The following GPD2 variants were observed in gnomAD, a reference collection of about 807,000 sequenced individuals.
The protein encoded by GPD2 is glycerol-3-phosphate dehydrogenase 2.
Under a neutral mutation model 82.4 loss-of-function variants are expected in GPD2, and 54 were observed. That is an observed-to-expected ratio of 0.66 (90% CI 0.53 to 0.82). The LOEUF is 0.82. Ranked by LOEUF, GPD2 falls within the 40% of genes least tolerant of loss-of-function variation. The probability of loss-of-function intolerance (pLI) is 0.00; values close to 1 mark genes in which losing one functional copy is unlikely to be tolerated. For missense variants in GPD2, 748 were observed against 896.2 expected (o/e 0.83, Z 2.11); for synonymous variants, 288 against 306.1 (o/e 0.94, Z 0.62).
the GPD2 span, among the ~76,000 whole-genome samples, chr2:156,413,352 C>T: frequency 6.6e-6 from 1 of 151,650 alleles, no homozygotes; most frequent in Non-Finnish European, 1.5e-5. Flanking sequence ...GAGGCCGAGG[C>T]AGGTGGATCA....
At chr2:156,417,074 C>T in the GPD2 span, among the ~76,000 whole-genome samples, 3 of 152,268 alleles carry the variant, frequency 2.0e-5, no homozygotes, top group Admixed American at 6.5e-5. Context: ...ATACTTAACA[C>T]GCTGCATTGC....
intron 1 of GPD2, among the ~76,000 whole-genome samples, chr2:156,437,005 G>T (rs1681949227): frequency 6.6e-6 from 1 of 152,236 alleles, no homozygotes; most frequent in Non-Finnish European, 1.5e-5. Flanking sequence ...TTTGCAAAGA[G>T]TGCTTTGGCA....
At chr2:156,419,315 TC>T in the GPD2 span, among the ~76,000 whole-genome samples, 5 of 152,112 alleles carry the variant, frequency 3.3e-5, no homozygotes, top group Non-Finnish European at 7.4e-5. Flanking sequence ...CACCTGGGCC[TC>T]CCAAAGTGCT....
the GPD2 span, among the ~76,000 whole-genome samples, chr2:156,400,395 G>C: frequency 6.6e-6 from 1 of 152,200 alleles, no homozygotes; most frequent in Non-Finnish European, 1.5e-5. Flanking sequence ...GACACACCAC[G>C]GCCTCCTGGA....
At chr2:156,464,736 T>A (rs890750921) in intron 1 of GPD2, among the ~76,000 whole-genome samples, 1 of 152,196 alleles carries the variant, frequency 6.6e-6, no homozygotes, top group Non-Finnish European at 1.5e-5. Flanking sequence ...AGTCATAATT[T>A]AAAAAAATAA....
chr2:156,556,347 G>A (rs2105344350), intron 8 of GPD2, among the ~76,000 whole-genome samples: 1 of 152,234 alleles, frequency 6.6e-6, no homozygotes, highest in South Asian at 2.1e-4. Context: ...AATAGAAGCA[G>A]CTATCTGAAG....
chr2:156,533,018 G>A (rs1204561692), intron 6 of GPD2, among the ~76,000 whole-genome samples: 2 of 152,200 alleles, frequency 1.3e-5, no homozygotes, highest in African/African-American at 4.8e-5. Context: ...AGGGATGGGA[G>A]AGAATGAAGT....
intron 1 of GPD2, among the ~76,000 whole-genome samples, chr2:156,444,787 T>G (rs1287210200): frequency 1.3e-5 from 2 of 152,186 alleles, no homozygotes; most frequent in Non-Finnish European, 2.9e-5. Flanking sequence ...AGTCTTGCTC[T>G]GCTGCCCAGG....
At chr2:156,476,459 A>G (rs958676264) in intron 2 of GPD2, among the ~76,000 whole-genome samples, 1 of 152,254 alleles carries the variant, frequency 6.6e-6, no homozygotes, top group Non-Finnish European at 1.5e-5. Flanking sequence ...GGTTTTTAAA[A>G]GACTGCTTCA....
At position 156,579,475 on chromosome 2, in the gene GPD2, C is replaced by T. The variant is rs771127521; in HGVS notation, c.1960-215C>T. ...TCCAGAGTAGCTGGGACTACAAGTG[C>T]GCACCACCATGCCCGGCTAATTTTT... On this transcript the variant is annotated intron_variant, in intron 15 of 16. Coordinates refer to ENST00000438166, the MANE Select transcript of GPD2 (RefSeq NM_000408.5). Among the ~76,000 whole-genome samples the T allele has an allele frequency of 4.6e-5, 7 of 151,408 alleles. No homozygotes were observed. In the South Asian group the frequency reaches 6.2e-4, roughly 14 times the overall value.
intron 6 of GPD2, among the ~76,000 whole-genome samples, chr2:156,520,937 G>T (rs1685385065): frequency 6.6e-6 from 1 of 152,120 alleles, no homozygotes; most frequent in Non-Finnish European, 1.5e-5. Context: ...GGTTACATAA[G>T]GTGATATAAA....
intron 1 of GPD2, among the ~76,000 whole-genome samples, chr2:156,440,570 T>C (rs1682133015): frequency 6.6e-6 from 1 of 152,248 alleles, no homozygotes; most frequent in African/African-American, 2.4e-5. Flanking sequence ...TACTAGTTCT[T>C]TGAGTTGTGT....
chr2:156,512,172 A>C (rs764326515), intron 4 of GPD2, 48 bp from the exon 5 acceptor site: 1 of 914,212 alleles, frequency 1.1e-6, no homozygotes. Flanking sequence ...ATTTGAAAAT[A>C]TTATGATCTG....
intron 2 of GPD2, among the ~76,000 whole-genome samples, chr2:156,488,964 A>C (rs1192125649): frequency 6.6e-6 from 1 of 151,854 alleles, no homozygotes; most frequent in Non-Finnish European, 1.5e-5. Context: ...TGTGTTTGGG[A>C]GCTGTGGTTG....
Position 156,534,350 on chromosome 2 carries a change from G to A in GPD2, c.662-15258G>A, listed in dbSNP as rs1267768952. On this transcript the variant is annotated intron_variant, in intron 6 of 16. Transcript: ENST00000438166. Reference sequence around the variant, plus strand: ...GGGTTTGGGGTTTATAATGGTACACGATGCAGGGATGCAGCAGGCCAAAAG... The same window carrying A: ...GGGTTTGGGGTTTATAATGGTACACAATGCAGGGATGCAGCAGGCCAAAAG... 2.6e-5 allele frequency among the ~76,000 whole-genome samples: 4 copies of A among 152,262 alleles called. No individual in the cohort carries two copies. The East Asian group carries it at 7.7e-4, about 29-fold the overall frequency.
intron 6 of GPD2, among the ~76,000 whole-genome samples, chr2:156,514,812 G>A (rs1401844940): frequency 6.6e-6 from 1 of 152,156 alleles, no homozygotes; most frequent in African/African-American, 2.4e-5. Flanking sequence ...CCTTGATTGA[G>A]TCTACATGTT....
rs1688184746 is a variant in GPD2, at chr2:156,585,453, C to G, written c.*2535C>G. ...GAGTTGGATACTCCTTTAAATAGCC[C>G]CCACCACAGTCATAACAATAATGAT... On this transcript the variant is annotated 3_prime_UTR_variant, in exon 17 of 17. Transcript: ENST00000438166. 1 of 152,246 alleles carries G rather than the reference C, an allele frequency of 6.6e-6. No individual in the cohort carries two copies. Among genetic ancestry groups the G allele is most frequent in the South Asian group, 2.1e-4 (1 of 4,816 alleles). 9.4% of individuals were successfully genotyped at this position (152,246 alleles called of 1,614,324 possible). A position where few individuals can be genotyped will look rare whatever the true frequency, so the allele number is the denominator to read the frequency against.
Position 156,573,478 on chromosome 2 carries a change from A to G in GPD2, c.1767+2186A>G, listed in dbSNP as rs530364637. 3.3e-5 allele frequency among the ~76,000 whole-genome samples: 5 copies of G among 152,284 alleles called. No individual in the cohort carries two copies. The South Asian group carries it at 1.0e-3, about 32-fold the overall frequency. ...CTTCTGTCAGTCCTTTTTACCATAT[A>G]GAAGGATTGGGGATAATGTGTCCTT... On this transcript the variant is annotated intron_variant, in intron 13 of 16. Transcript: ENST00000438166.
chr2:156,452,903 A>T (rs1682664862), intron 1 of GPD2, among the ~76,000 whole-genome samples: 1 of 152,216 alleles, frequency 6.6e-6, no homozygotes, highest in Non-Finnish European at 1.5e-5. Context: ...TGGATAAGTC[A>T]TCATTTGGGT....
Sources: gnomAD v4.1 joint callset for allele counts (sites outside exome capture counted in the v4.1 genomes callset) on GRCh38, gnomAD v4.1.1 for gene constraint, MANE v1.5 for transcripts, NCBI Gene and HGNC (gene_info 2026-07-23, HGNC 2026-07-21) for gene names.